Variants in SGMS1 observed in about 807,000 individuals in gnomAD.
SGMS1 encodes the protein sphingomyelin synthase 1, also known as phosphatidylcholine:ceramide cholinephosphotransferase 1.
In SGMS1, 13 loss-of-function variants were observed where a neutral mutation model predicts 46.2. The ratio of observed to expected loss-of-function variants is 0.28; its 90% confidence interval spans 0.18 to 0.45. The LOEUF (loss-of-function observed/expected upper bound fraction) is 0.45. SGMS1 is among the 20% of genes least tolerant of loss of function. The probability of loss-of-function intolerance (pLI) is 1.00; values close to 1 mark genes in which losing one functional copy is unlikely to be tolerated. For missense variants in SGMS1, 324 were observed against 519.9 expected, an observed-to-expected ratio of 0.62 and a Z score of 3.66; for synonymous variants, 203 against 187.8, an observed-to-expected ratio of 1.08 and a Z score of -0.66.
intron 7 of SGMS1, chr10:50,341,388 C>T (rs552060649): frequency 3.9e-5 from 18 of 455,962 alleles, no homozygotes; most frequent in South Asian, 1.7e-4. Flanking sequence ...ACAGGGTGGA[C>T]GATGCTTAGG....
chr10:50,508,538 GC>G (rs1837726292), intron 3 of SGMS1, among the ~76,000 whole-genome samples: 1 of 152,180 alleles, frequency 6.6e-6, no homozygotes, highest in African/African-American at 2.4e-5. Context: ...GATTACTATG[GC>G]CCCCTTTCTG....
At chr10:50,327,888 G>A (rs1847555450) in intron 7 of SGMS1, among the ~76,000 whole-genome samples, 1 of 152,148 alleles carries the variant, frequency 6.6e-6, no homozygotes, top group African/African-American at 2.4e-5. Context: ...GACTACCACT[G>A]CAGCTTGGGA....
chr10:50,351,634 G>C (rs1005235409), intron 6 of SGMS1, among the ~76,000 whole-genome samples: 1 of 152,092 alleles, frequency 6.6e-6, no homozygotes, highest in Non-Finnish European at 1.5e-5. Context: ...GGTTTATCAG[G>C]GGTTTCCATT....
rs573175120 is a variant in SGMS1, at chr10:50,387,723, A to C, written c.-231-43378T>G. On this transcript the variant is annotated intron_variant, in intron 6 of 10. Coordinates refer to ENST00000361781, the MANE Select transcript of SGMS1 (RefSeq NM_147156.4). ...TCCTTAGCTAAATTAAATTTAACAG[A>C]GGTTAATTGAGCAAAGAACGATTCA... is the stretch of plus-strand genomic sequence containing the variant. Among the ~76,000 whole-genome samples the C allele has an allele frequency of 4.6e-5, 7 of 152,324 alleles. No homozygotes were observed. In the East Asian group the frequency reaches 1.3e-3, roughly 29 times the overall value.
At chr10:50,415,083 T>G (rs1323092164) in intron 6 of SGMS1, among the ~76,000 whole-genome samples, 1 of 152,238 alleles carries the variant, frequency 6.6e-6, no homozygotes. Context: ...ATCGCGCCAC[T>G]GCACTCCAGC....
intron 6 of SGMS1, among the ~76,000 whole-genome samples, chr10:50,407,061 T>C (rs932845471): frequency 2.0e-5 from 3 of 152,096 alleles, no homozygotes; most frequent in African/African-American, 7.2e-5. Flanking sequence ...TAAACTACTA[T>C]GCAGTTTCTG....
At chr10:50,312,034 C>T (rs747792683) in intron 8 of SGMS1, among the ~76,000 whole-genome samples, 6 of 152,154 alleles carry the variant, frequency 3.9e-5, no homozygotes, top group Non-Finnish European at 8.8e-5. Flanking sequence ...GGGCTGGACA[C>T]CGGAGTAATA....
intron 2 of SGMS1, among the ~76,000 whole-genome samples, chr10:50,538,886 G>C (rs535021596): frequency 5.3e-5 from 8 of 152,262 alleles, no homozygotes; most frequent in African/African-American, 1.7e-4. Context: ...TCCAGTCCAG[G>C]GTTAAAGTCT....
intron 3 of SGMS1, among the ~76,000 whole-genome samples, chr10:50,471,076 G>C (rs531964156): frequency 6.6e-6 from 1 of 152,252 alleles, no homozygotes; most frequent in African/African-American, 2.4e-5. Flanking sequence ...AGATGATAAA[G>C]AGTGAAAGCA....
At chr10:50,459,834 G>A (rs1284008496) in intron 5 of SGMS1, 2 of 152,264 alleles carry the variant, frequency 1.3e-5, no homozygotes, top group African/African-American at 4.8e-5. Context: ...GGAATAGCAG[G>A]CAAGTTGTTT....
chr10:50,400,629 T>A (rs565377975), intron 6 of SGMS1, among the ~76,000 whole-genome samples: 156 of 151,568 alleles, frequency 1.0e-3, no homozygotes, highest in Non-Finnish European at 1.6e-3. Context: ...TAAAAAAAAA[T>A]TTTTTTACAG....
intron 6 of SGMS1, among the ~76,000 whole-genome samples, chr10:50,368,085 C>A (rs1367458867): frequency 6.6e-6 from 1 of 152,182 alleles, no homozygotes; most frequent in East Asian, 1.9e-4. Context: ...GAACTAGAAC[C>A]CCTGTTTTCT....
At chr10:50,541,232 T>A (rs1838049310) in intron 2 of SGMS1, among the ~76,000 whole-genome samples, 1 of 152,206 alleles carries the variant, frequency 6.6e-6, no homozygotes, top group African/African-American at 2.4e-5. Context: ...ACTTATGCTG[T>A]TATACTCATG....
At chr10:50,586,176 T>G (rs1445723448) in intron 2 of SGMS1, among the ~76,000 whole-genome samples, 1 of 152,144 alleles carries the variant, frequency 6.6e-6, no homozygotes, top group African/African-American at 2.4e-5. Context: ...GAGGAACACT[T>G]TCTTATTATA....
At chr10:50,494,594 T>C (rs188344448) in intron 3 of SGMS1, among the ~76,000 whole-genome samples, 14 of 152,114 alleles carry the variant, frequency 9.2e-5, no homozygotes, top group African/African-American at 2.9e-4. Context: ...CATGGACACG[T>C]AGAGGGGAAC....
chr10:50,337,031 C>T (rs1009327167), intron 7 of SGMS1, among the ~76,000 whole-genome samples: 3 of 151,826 alleles, frequency 2.0e-5, no homozygotes, highest in Non-Finnish European at 4.4e-5. Context: ...AAGAGGTAAT[C>T]CCTGAGCACC....
At chr10:50,349,788 T>A (rs866128468) in intron 6 of SGMS1, among the ~76,000 whole-genome samples, 1 of 152,236 alleles carries the variant, frequency 6.6e-6, no homozygotes, top group Non-Finnish European at 1.5e-5. Context: ...CCTGCCATGA[T>A]TCTCAGGCCT....
chr10:50,495,102 C>T (rs10740714), intron 3 of SGMS1, among the ~76,000 whole-genome samples: 2 of 127,504 alleles, frequency 1.6e-5, no homozygotes, highest in Admixed American at 7.7e-5. Context: ...GCCGGACGTG[C>T]TTGCAGGCGC....
chr10:50,343,061 C>T (rs1451871435), intron 7 of SGMS1: 1 of 156,188 alleles, frequency 6.4e-6, no homozygotes, highest in East Asian at 1.9e-4. Flanking sequence ...ATACATATTG[C>T]TAAGGCTCTA....
Sources: gnomAD v4.1 joint callset for allele counts (sites outside exome capture counted in the v4.1 genomes callset) on GRCh38, gnomAD v4.1.1 for gene constraint, MANE v1.5 for transcripts, NCBI Gene and HGNC (gene_info 2026-07-23, HGNC 2026-07-21) for gene names.